Variants in TUSC3 observed in about 807,000 individuals in gnomAD.
The protein encoded by TUSC3 is tumor suppressor candidate 3.
In TUSC3, 45 loss-of-function variants were observed where a neutral mutation model predicts 44.8. That is an observed-to-expected ratio of 1.00 (90% CI 0.79 to 1.29). TUSC3 has a LOEUF of 1.29. TUSC3 is among the 50% of genes most tolerant of loss of function. The probability of loss-of-function intolerance (pLI) is 0.00; values close to 1 mark genes in which losing one functional copy is unlikely to be tolerated. For missense variants in TUSC3, 519 were observed against 437.9 expected (o/e 1.19, Z -1.65); for synonymous variants, 212 against 152.9 (o/e 1.39, Z -2.85).
intron 2 of TUSC3, among the ~76,000 whole-genome samples, chr8:15,484,370 G>A (rs1369379943): frequency 6.6e-6 from 1 of 152,116 alleles, no homozygotes; most frequent in Non-Finnish European, 1.5e-5. Flanking sequence ...TTGTTTTCTA[G>A]TTGCTTCATT....
At chr8:15,635,993 T>C (rs1413510898) in intron 2 of TUSC3, among the ~76,000 whole-genome samples, 1 of 152,168 alleles carries the variant, frequency 6.6e-6, no homozygotes, top group African/African-American at 2.4e-5. Flanking sequence ...CTTTATCTCT[T>C]AGTCTGTAGT....
At chr8:15,766,956 G>C (rs1205348379), downstream of TUSC3, among the ~76,000 whole-genome samples, 1 of 152,070 alleles carries the variant, frequency 6.6e-6, no homozygotes, top group African/African-American at 2.4e-5. Flanking sequence ...TTGAATTGAC[G>C]CTTGAAGACT....
chr8:15,725,093 T>C (rs1345610241), intron 6 of TUSC3, among the ~76,000 whole-genome samples: 1 of 152,182 alleles, frequency 6.6e-6, no homozygotes, highest in African/African-American at 2.4e-5. Context: ...AGTTATAATT[T>C]TAAAAATGAT....
chr8:15,806,640 C>T, the TUSC3 span: 4 of 1,339,136 alleles, frequency 3.0e-6, no homozygotes, highest in South Asian at 1.2e-5. Context: ...TCATGGACTT[C>T]AGGCTCTGGT....
At chr8:15,521,300 T>C (rs1381864937) in intron 2 of TUSC3, among the ~76,000 whole-genome samples, 1 of 152,126 alleles carries the variant, frequency 6.6e-6, no homozygotes, top group African/African-American at 2.4e-5. Context: ...CCACTGACCT[T>C]CAGGGTTCAT....
At chr8:15,418,238 T>C (rs901471316) in intron 1 of TUSC3, among the ~76,000 whole-genome samples, 4 of 152,212 alleles carry the variant, frequency 2.6e-5, no homozygotes, top group Non-Finnish European at 4.4e-5. Flanking sequence ...ATTAGTAAAA[T>C]GCACAGTTTA....
the TUSC3 span, among the ~76,000 whole-genome samples, chr8:15,821,157 G>A: frequency 1.3e-5 from 2 of 152,050 alleles, no homozygotes; most frequent in East Asian, 1.9e-4. Flanking sequence ...TGTTTATGAT[G>A]TATATATAAT....
intron 4 of TUSC3, 56 bp from the exon 5 acceptor site, chr8:15,662,100 C>G: frequency 6.3e-7 from 1 of 1,598,926 alleles, no homozygotes; most frequent in Non-Finnish European, 8.6e-7. Context: ...AGAATATGAT[C>G]AAAAGAAAAA....
At chr8:15,622,152 C>G (rs751225004) in intron 1 of TUSC3, among the ~76,000 whole-genome samples, 6 of 152,162 alleles carry the variant, frequency 3.9e-5, no homozygotes, top group African/African-American at 7.2e-5. Flanking sequence ...AAGCCTCCCT[C>G]TCCTGACCGC....
chr8:15,834,112 C>T, the TUSC3 span, among the ~76,000 whole-genome samples: 241 of 152,188 alleles, frequency 1.6e-3, no homozygotes, highest in African/African-American at 5.5e-3. Context: ...CTCCTCATTA[C>T]TTTCTTTTTC....
At chr8:15,731,153 A>C (rs551405317) in intron 7 of TUSC3, among the ~76,000 whole-genome samples, 1 of 152,160 alleles carries the variant, frequency 6.6e-6, no homozygotes, top group African/African-American at 2.4e-5. Flanking sequence ...GAGTGGTTCA[A>C]CATGCCTTTT....
At chr8:15,736,565 A>G (rs1234478411) in intron 7 of TUSC3, among the ~76,000 whole-genome samples, 2 of 152,194 alleles carry the variant, frequency 1.3e-5, no homozygotes, top group East Asian at 1.9e-4. Context: ...ATAATCTTAA[A>G]TCTGCTTTTC....
At chr8:15,548,982 A>G (rs1394592693) in intron 1 of TUSC3, among the ~76,000 whole-genome samples, 4 of 151,652 alleles carry the variant, frequency 2.6e-5, no homozygotes, top group African/African-American at 9.7e-5. Flanking sequence ...AAGTGTTTTT[A>G]TTGAGTGGAT....
At chr8:15,737,522 G>A (rs537073489) in intron 7 of TUSC3, among the ~76,000 whole-genome samples, 1 of 152,226 alleles carries the variant, frequency 6.6e-6, no homozygotes, top group South Asian at 2.1e-4. Flanking sequence ...AAAGAAACTG[G>A]AGTGTGCACA....
At chr8:15,549,943 G>A (rs1195973369) in intron 1 of TUSC3, among the ~76,000 whole-genome samples, 3 of 151,572 alleles carry the variant, frequency 2.0e-5, no homozygotes, top group East Asian at 3.9e-4. Flanking sequence ...TCCAAAAACC[G>A]AGCTCCCCGA....
At chr8:15,827,434 G>A in the TUSC3 span, among the ~76,000 whole-genome samples, 1 of 152,080 alleles carries the variant, frequency 6.6e-6, no homozygotes, top group African/African-American at 2.4e-5. Flanking sequence ...GATTCAATGG[G>A]TAGTGTTCAG....
intron 6 of TUSC3, among the ~76,000 whole-genome samples, chr8:15,711,220 C>T (rs79515242): frequency 0.018 from 2,683 of 151,746 alleles, 85 homozygotes; most frequent in African/African-American, 0.062. Flanking sequence ...AGTCTCTCCT[C>T]GATGTTGATC....
chr8:15,582,686 A>G (rs1397642050), intron 1 of TUSC3, among the ~76,000 whole-genome samples: 1 of 152,166 alleles, frequency 6.6e-6, no homozygotes, highest in African/African-American at 2.4e-5. Flanking sequence ...TGAGAATGTA[A>G]TTCTCTGCAA....
chr8:15,635,227 C>T (rs1174149630), intron 2 of TUSC3, among the ~76,000 whole-genome samples: 1 of 152,110 alleles, frequency 6.6e-6, no homozygotes, highest in East Asian at 1.9e-4. Context: ...TTGTATTGAT[C>T]ATTTCTTAGG....
Sources: gnomAD v4.1 joint callset for allele counts (sites outside exome capture counted in the v4.1 genomes callset) on GRCh38, gnomAD v4.1.1 for gene constraint, MANE v1.5 for transcripts, NCBI Gene and HGNC (gene_info 2026-07-23, HGNC 2026-07-21) for gene names.